RASGRP3: variants seen among roughly 807,000 people sequenced by gnomAD.
The protein encoded by RASGRP3 is RAS guanyl releasing protein 3, also known as ras guanyl-releasing protein 3.
A neutral mutation model predicts 82.7 loss-of-function variants in RASGRP3; 54 were observed. That is an observed-to-expected ratio of 0.65 (90% CI 0.52 to 0.82). The LOEUF (loss-of-function observed/expected upper bound fraction) is 0.82, where lower values mean the gene tolerates loss of function less well. Ranked by LOEUF, RASGRP3 falls within the 40% of genes least tolerant of loss-of-function variation. The probability of loss-of-function intolerance (pLI) is 0.00; values close to 1 mark genes in which losing one functional copy is unlikely to be tolerated. For missense variants in RASGRP3, 861 were observed against 828.9 expected, an observed-to-expected ratio of 1.04 and a Z score of -0.48; for synonymous variants, 309 against 300.5, an observed-to-expected ratio of 1.03 and a Z score of -0.29.
intron 2 of RASGRP3, among the ~76,000 whole-genome samples, chr2:33,459,813 C>CCTT (rs1666259357): frequency 6.6e-6 from 1 of 152,114 alleles, no homozygotes; most frequent in Non-Finnish European, 1.5e-5. Flanking sequence ...GGGACAGAGG[C>CCTT]CTTATCCTCT....
chr2:33,513,010 T>C (rs1221957423), intron 2 of RASGRP3, among the ~76,000 whole-genome samples: 1 of 151,912 alleles, frequency 6.6e-6, no homozygotes, highest in Admixed American at 6.6e-5. Context: ...AGCTGAGAGG[T>C]GCGTTGTTTT....
intron 2 of RASGRP3, among the ~76,000 whole-genome samples, chr2:33,458,626 G>T (rs1056560803): frequency 6.6e-6 from 1 of 152,156 alleles, no homozygotes; most frequent in African/African-American, 2.4e-5. Context: ...CCCTATTCCT[G>T]CCTCAGATGG....
chr2:33,501,830 G>A (rs1558452236), intron 1 of RASGRP3, among the ~76,000 whole-genome samples: 1 of 152,186 alleles, frequency 6.6e-6, no homozygotes, highest in Non-Finnish European at 1.5e-5. Flanking sequence ...AGAAAAACCA[G>A]GGAAGAGATG....
chr2:33,508,096 G>A (rs1397629235), intron 1 of RASGRP3, among the ~76,000 whole-genome samples: 1 of 152,210 alleles, frequency 6.6e-6, no homozygotes, highest in Non-Finnish European at 1.5e-5. Context: ...TTTCTAGCTA[G>A]ATATTTGGTT....
intron 1 of RASGRP3, among the ~76,000 whole-genome samples, chr2:33,478,915 A>G (rs921992726): frequency 3.3e-5 from 5 of 152,224 alleles, no homozygotes; most frequent in Non-Finnish European, 7.3e-5. Flanking sequence ...TCTATGTGTT[A>G]CATATTATTA....
chr2:33,530,358 G>A lies in RASGRP3; in HGVS notation c.1083+2946G>A, dbSNP rs115007476. Among the ~76,000 whole-genome samples the A allele has an allele frequency of 9.9e-3, 1,508 of 152,188 alleles. 27 individuals are homozygous for A. Among genetic ancestry groups the A allele is most frequent in the African/African-American group, 0.035 (1,435 of 41,498 alleles). ...GCCTACTCCGTGTGGTAGGCTGTAG[G>A]GCAGTGCTTTAACTTTCTGTAATAG... On this transcript the variant is annotated intron_variant, in intron 10 of 17. Transcript: ENST00000403687.
intron 10 of RASGRP3, among the ~76,000 whole-genome samples, chr2:33,527,939 A>G (rs1672740844): frequency 6.6e-6 from 1 of 152,042 alleles, no homozygotes; most frequent in Non-Finnish European, 1.5e-5. Flanking sequence ...ACCCTATCCC[A>G]CATTTTACCA....
intron 1 of RASGRP3, among the ~76,000 whole-genome samples, chr2:33,480,452 G>A (rs770447651): frequency 6.6e-5 from 10 of 152,286 alleles, no homozygotes; most frequent in South Asian, 2.1e-4. Context: ...AAACCACTGG[G>A]AATTGCCTCC....
At chr2:33,533,966 C>G in intron 10 of RASGRP3, 1 of 198,294 alleles carries the variant, frequency 5.0e-6, no homozygotes, top group Non-Finnish European at 1.0e-5. Flanking sequence ...AATCAAACTT[C>G]AAAGGCAGCA....
At chr2:33,551,655 A>G (rs1312084840) in intron 14 of RASGRP3, among the ~76,000 whole-genome samples, 1 of 151,956 alleles carries the variant, frequency 6.6e-6, no homozygotes, top group Non-Finnish European at 1.5e-5. Context: ...TGGGCAATAT[A>G]AAGAGACACC....
chr2:33,490,700 G>A (rs535521410), intron 1 of RASGRP3, among the ~76,000 whole-genome samples: 2 of 152,196 alleles, frequency 1.3e-5, no homozygotes, highest in African/African-American at 4.8e-5. Context: ...CTTCCAGAGC[G>A]ATCTGAGCCA....
At chr2:33,532,948 G>C (rs1673244801) in intron 10 of RASGRP3, 2 of 152,164 alleles carry the variant, frequency 1.3e-5, no homozygotes, top group East Asian at 1.9e-4. Context: ...ACAGGAAAAG[G>C]AATCTTTGAA....
At position 33,523,888 on chromosome 2, in the gene RASGRP3, T is replaced by G; in HGVS notation, c.526T>G (p.Tyr176Asp). Residue 176 changes from tyrosine (Y) to aspartate (D), a missense_variant, in exon 8 of 18, where the codon TAC becomes GAC. Tyr to Asp is a radical substitution (Grantham distance 160). Coordinates refer to ENST00000403687, the MANE Select transcript of RASGRP3 (RefSeq NM_001139488.2). Reference sequence around the variant, plus strand: ...AATCTTCCTTTCCTAGTTCACTGATTACCAAAGCTATGTCATCCATGGCTG... The same window carrying G: ...AATCTTCCTTTCCTAGTTCACTGATGACCAAAGCTATGTCATCCATGGCTG... ...KSFRRISFTDYQSYVIHGCLE... is the reference protein window; with the variant it reads ...KSFRRISFTDDQSYVIHGCLE... The G allele has an allele frequency of 6.2e-7, 1 of 1,610,340 alleles. No homozygotes were observed. The highest frequency in any genetic ancestry group is 8.5e-7 in the Non-Finnish European group (1 of 1,177,576).
chr2:33,491,278 T>G (rs942907161), intron 1 of RASGRP3, among the ~76,000 whole-genome samples: 15 of 151,928 alleles, frequency 9.9e-5, no homozygotes, highest in African/African-American at 3.6e-4. Flanking sequence ...ATCGTGCCAC[T>G]ACACTCCAGC....
intron 1 of RASGRP3, among the ~76,000 whole-genome samples, chr2:33,477,666 A>C (rs1272105360): frequency 6.6e-6 from 1 of 152,198 alleles, no homozygotes; most frequent in Non-Finnish European, 1.5e-5. Context: ...TTGTTCGGTG[A>C]CTTTTGTCCT....
chr2:33,547,705 A>G (rs1674937212), intron 13 of RASGRP3, among the ~76,000 whole-genome samples: 1 of 152,152 alleles, frequency 6.6e-6, no homozygotes, highest in African/African-American at 2.4e-5. Context: ...TCTTGTGAGC[A>G]AACTCTGGTG....
At position 33,438,617 on chromosome 2, in the gene RASGRP3, T is replaced by A. The variant is rs61624214; in HGVS notation, c.-385+2026T>A. On this transcript the variant is annotated intron_variant, in intron 1 of 18. Transcript: ENST00000402538. Reference sequence around the variant, plus strand: ...AAATGCCAGGTATTTAAAATACAGTTCTTAGAAATTGCTTAATAGTTCTAC... The same window carrying A: ...AAATGCCAGGTATTTAAAATACAGTACTTAGAAATTGCTTAATAGTTCTAC... Among the ~76,000 whole-genome samples, 773 of 152,232 alleles carry A rather than the reference T, an allele frequency of 5.1e-3. 7 individuals are homozygous for A. Among genetic ancestry groups the A allele is most frequent in the African/African-American group, 0.018 (731 of 41,538 alleles).
rs1201879328 is a variant in RASGRP3, at chr2:33,562,657, C to G, written c.2065-72C>G. On this transcript the variant is annotated intron_variant, in intron 17 of 17. Coordinates refer to ENST00000403687, the MANE Select transcript of RASGRP3 (RefSeq NM_001139488.2). The stretch of plus-strand genomic sequence containing the variant: ...TGTTCCCTCAAAGTCATCTGAAAAA[C>G]TGCTTTCTAGGAACACTCTTATTTT... The G allele has an allele frequency of 1.7e-5, 27 of 1,545,046 alleles. No homozygotes were observed. The Admixed American group carries it at 4.6e-4, about 26-fold the overall frequency.
intron 1 of RASGRP3, among the ~76,000 whole-genome samples, chr2:33,447,522 G>A (rs1355059262): frequency 6.6e-6 from 1 of 151,084 alleles, no homozygotes; most frequent in Non-Finnish European, 1.5e-5. Context: ...TGCAACCTTC[G>A]CCTCCTGAAT....
Sources: gnomAD v4.1 joint callset for allele counts (sites outside exome capture counted in the v4.1 genomes callset) on GRCh38, gnomAD v4.1.1 for gene constraint, MANE v1.5 for transcripts, NCBI Gene and HGNC (gene_info 2026-07-23, HGNC 2026-07-21) for gene names.